Variants in SLC17A8 observed in about 807,000 individuals in gnomAD.
The protein encoded by SLC17A8 is vesicular glutamate transporter 3.
In SLC17A8, 31 loss-of-function variants were observed where a neutral mutation model predicts 58.0. The ratio of observed to expected loss-of-function variants is 0.53; its 90% confidence interval spans 0.40 to 0.72. The LOEUF is 0.72. Ranked by LOEUF, SLC17A8 falls within the 30% of genes least tolerant of loss-of-function variation. The pLI, the probability that SLC17A8 is intolerant of heterozygous loss-of-function variation, is 0.00. For synonymous variants in SLC17A8, 228 were observed against 249.0 expected, an observed-to-expected ratio of 0.92 and a Z score of 0.79; for missense variants, 655 against 727.8, an observed-to-expected ratio of 0.90 and a Z score of 1.15.
At chr12:100,417,990 G>A (rs779899883) in intron 10 of SLC17A8, 39 bp from the exon 11 acceptor site, 9 of 1,613,852 alleles carry the variant, frequency 5.6e-6, no homozygotes, top group Middle Eastern at 1.6e-4. Context: ...TTGAAATTCT[G>A]TTCTTGACTC....
chr12:100,383,711 CTT>C (rs34969163), intron 2 of SLC17A8, among the ~76,000 whole-genome samples: 7 of 144,242 alleles, frequency 4.9e-5, no homozygotes, highest in Admixed American at 7.0e-5. Context: ...AGCGTGAACA[CTT>C]TTTTTTTTTT....
chr12:100,375,833 C>T lies in SLC17A8; in HGVS notation c.102-4868C>T, dbSNP rs545112294. On this transcript the variant is annotated intron_variant, in intron 1 of 11. Coordinates refer to ENST00000323346, the MANE Select transcript of SLC17A8 (RefSeq NM_139319.3). ...ATCATTGAACAACCCTATGAGATAC[C>T]CATTACGATTAGCCCAGTTTAGAGA... is the stretch of plus-strand genomic sequence containing the variant. Among the ~76,000 whole-genome samples, 9 of 152,264 alleles carry T rather than the reference C, an allele frequency of 5.9e-5. No individual in the cohort carries two copies. In the South Asian group the frequency reaches 1.7e-3, roughly 28 times the overall value.
chr12:100,401,508 TTC>T (rs1209968614), intron 5 of SLC17A8, among the ~76,000 whole-genome samples: 1 of 152,076 alleles, frequency 6.6e-6, no homozygotes, highest in Non-Finnish European at 1.5e-5. Flanking sequence ...TCTGATTCCA[TTC>T]TCTCATGTAA....
intron 5 of SLC17A8, among the ~76,000 whole-genome samples, chr12:100,400,539 G>T (rs1349609038): frequency 1.3e-5 from 2 of 151,952 alleles, no homozygotes; most frequent in African/African-American, 4.8e-5. Context: ...TCTCAGGCTG[G>T]GCCTTTCACC....
At chr12:100,385,868 C>T (rs1345883293) in intron 2 of SLC17A8, among the ~76,000 whole-genome samples, 1 of 152,210 alleles carries the variant, frequency 6.6e-6, no homozygotes, top group African/African-American at 2.4e-5. Context: ...GTGTTGGCAG[C>T]ACCTCATGCC....
chr12:100,365,770 G>A (rs1328274799), intron 1 of SLC17A8, among the ~76,000 whole-genome samples: 1 of 152,180 alleles, frequency 6.6e-6, no homozygotes, highest in Non-Finnish European at 1.5e-5. Context: ...GAGGCATCCA[G>A]AGTACTTGTC....
chr12:100,380,344 G>T (rs1207527140), intron 1 of SLC17A8, among the ~76,000 whole-genome samples: 1 of 151,848 alleles, frequency 6.6e-6, no homozygotes, highest in East Asian at 1.9e-4. Flanking sequence ...TCTGGACTTG[G>T]GCCTCTATCC....
Position 100,404,080 on chromosome 12 carries a change from G to C in SLC17A8, c.1096G>C (p.Val366Leu). The change falls in exon 9 of 12, where the codon GTT (valine) becomes CTT (leucine). Residue 366 changes from valine to leucine, a missense_variant. Val to Leu is a conservative substitution (Grantham distance 32). Transcript: ENST00000323346. ...AGTCCCACACATGGTTATGACAATC[G>C]TTGTACCTATTGGAGGACAATTGGC... ...SAVPHMVMTIVVPIGGQLADY... is the reference protein window; with the variant it reads ...SAVPHMVMTILVPIGGQLADY... 1 of 1,614,124 alleles carries C rather than the reference G, an allele frequency of 6.2e-7. No individual in the cohort carries two copies.
At chr12:100,389,176 A>G (rs1952696191) in intron 2 of SLC17A8, among the ~76,000 whole-genome samples, 1 of 152,234 alleles carries the variant, frequency 6.6e-6, no homozygotes, top group South Asian at 2.1e-4. Flanking sequence ...TCACATTTTC[A>G]ATGGCCTAAG....
At chr12:100,379,971 G>A (rs536560408) in intron 1 of SLC17A8, among the ~76,000 whole-genome samples, 2 of 152,116 alleles carry the variant, frequency 1.3e-5, no homozygotes, top group East Asian at 1.9e-4. Flanking sequence ...AGGCTGAGGC[G>A]GGCGGATCAT....
At chr12:100,408,582 CT>C (rs565552632) in intron 9 of SLC17A8, among the ~76,000 whole-genome samples, 108 of 152,324 alleles carry the variant, frequency 7.1e-4, no homozygotes, top group Non-Finnish European at 1.4e-3. Context: ...AGTATTTTAA[CT>C]GTCAGTAGAA....
chr12:100,379,867 A>G (rs1329742625), intron 1 of SLC17A8, among the ~76,000 whole-genome samples: 1 of 152,094 alleles, frequency 6.6e-6, no homozygotes, highest in Non-Finnish European at 1.5e-5. Flanking sequence ...TGTGATAGAA[A>G]ATGTCCCTCT....
At chr12:100,413,457 T>C (rs1243288607) in intron 10 of SLC17A8, among the ~76,000 whole-genome samples, 1 of 152,188 alleles carries the variant, frequency 6.6e-6, no homozygotes, top group Non-Finnish European at 1.5e-5. Flanking sequence ...ACAGATTCTG[T>C]GCCAGGGAAT....
At chr12:100,406,685 G>A (rs562592314) in intron 9 of SLC17A8, among the ~76,000 whole-genome samples, 2 of 152,146 alleles carry the variant, frequency 1.3e-5, no homozygotes, top group East Asian at 3.9e-4. Context: ...ACAGGCATGG[G>A]CCACCATGCC....
At chr12:100,380,591 TCTTC>T (rs1475664105) in intron 1 of SLC17A8, 106 bp from the exon 2 acceptor site, 3 of 1,091,406 alleles carry the variant, frequency 2.7e-6, no homozygotes, top group African/African-American at 3.2e-5. Context: ...CTACTATGGG[TCTTC>T]CTTTTTGTTT....
chr12:100,411,528 T>C (rs542394649), intron 9 of SLC17A8, among the ~76,000 whole-genome samples: 28 of 151,680 alleles, frequency 1.8e-4, no homozygotes, highest in East Asian at 1.9e-4. Flanking sequence ...GATGAGAGAA[T>C]TGATTTGGGC....
rs1229096838 is a variant in SLC17A8, at chr12:100,357,420, A to G, written c.29A>G (p.Lys10Arg). Residue 10 changes from lysine to arginine, a missense_variant, in exon 1 of 12, where the codon AAA (lysine) becomes AGA (arginine). By Grantham distance (26) the Lys-to-Arg change is conservative. Transcript: ENST00000323346. ...CCTTTTAAAGCATTTGATACCTTCA[A>G]AGAAAAAATTCTGAAACCTGGGAAG... MPFKAFDTFKEKILKPGKEG... is the reference protein window; with the variant it reads MPFKAFDTFREKILKPGKEG... 3.1e-6 allele frequency: 5 copies of G among 1,613,438 alleles called. No individual in the cohort carries two copies. The highest frequency in any genetic ancestry group is 4.2e-6 in the Non-Finnish European group (5 of 1,179,440).
intron 2 of SLC17A8, 81 bp downstream of exon 2, chr12:100,381,034 C>G: frequency 1.3e-6 from 2 of 1,553,742 alleles, no homozygotes; most frequent in East Asian, 2.2e-5. Context: ...TACAGTGGCA[C>G]GATCTTGGCT....
At chr12:100,403,417 C>T (rs952342099) in intron 8 of SLC17A8, among the ~76,000 whole-genome samples, 7 of 150,418 alleles carry the variant, frequency 4.7e-5, no homozygotes, top group African/African-American at 1.2e-4. Context: ...TGCAGTGAGG[C>T]GAGATTGCAC....
Sources: gnomAD v4.1 joint callset for allele counts (sites outside exome capture counted in the v4.1 genomes callset) on GRCh38, gnomAD v4.1.1 for gene constraint, MANE v1.5 for transcripts, NCBI Gene and HGNC (gene_info 2026-07-23, HGNC 2026-07-21) for gene names.